SLC5A7: variants seen among roughly 807,000 people sequenced by gnomAD.
SLC5A7 encodes solute carrier family 5 member 7, also known as high affinity choline transporter 1.
SLC5A7 carries 19 observed loss-of-function variants against 55.4 expected under a neutral mutation model. The observed-to-expected ratio is 0.34, with a 90% confidence interval of 0.24 to 0.50. The LOEUF is 0.50. Among genes scored for constraint, SLC5A7 ranks in the 20% least tolerant of loss-of-function variants. The pLI, the probability that SLC5A7 is intolerant of heterozygous loss-of-function variation, is 0.98. For missense variants in SLC5A7, 506 were observed against 705.3 expected (o/e 0.72, Z 3.20); for synonymous variants, 265 against 263.7 (o/e 1.00, Z -0.05).
Position 108,010,340 on chromosome 2 carries a change from C to T in SLC5A7, c.1222C>T (p.Leu408Phe), listed in dbSNP as rs1678270840. ...GAAAACTGTGTATGGGCTCTGGTACCTCAGTTCTGACCTTGTTTACATCGT... is the reference window on the plus strand; with the variant it reads ...GAAAACTGTGTATGGGCTCTGGTACTTCAGTTCTGACCTTGTTTACATCGT... ...LTKTVYGLWY[L>F]SSDLVYIVIF... Residue 408 changes from leucine (L) to phenylalanine (F), a missense_variant, in exon 9 of 9, where the codon CTC becomes TTC. By Grantham distance (22) the Leu-to-Phe change is conservative. Around this residue, in one of 4 missense-constraint regions of SLC5A7, gnomAD observed 309 missense variants for 478.6 expected, o/e 0.65. Transcript: ENST00000264047. 1 of 1,613,816 alleles carries T rather than the reference C, an allele frequency of 6.2e-7. No individual in the cohort carries two copies.
At chr2:108,007,318 T>G (rs1260733686) in intron 7 of SLC5A7, among the ~76,000 whole-genome samples, 1 of 152,116 alleles carries the variant, frequency 6.6e-6, no homozygotes, top group Non-Finnish European at 1.5e-5. Flanking sequence ...AGAGCAGTCC[T>G]GGTTCATAGT....
In SLC5A7 at chr2:107,988,261, G is replaced by A. The variant is rs748131814; in HGVS notation, c.106G>A (p.Glu36Lys). ...GAGAACCAAAAACAGTGGCAGCGCAGAAGAGCGCAGCGAAGCCATCATAGT... is the reference window on the plus strand; with the variant it reads ...GAGAACCAAAAACAGTGGCAGCGCAAAAGAGCGCAGCGAAGCCATCATAGT... ...AWRTKNSGSA[E>K]ERSEAIIVGG... is the part of the protein sequence containing the mutation. Residue 36 changes from glutamate to lysine, a missense_variant, in exon 2 of 9, where the codon GAA becomes AAA. Coordinates refer to ENST00000264047, the MANE Select transcript of SLC5A7 (RefSeq NM_021815.5). 2 of 1,614,192 alleles carry A rather than the reference G, an allele frequency of 1.2e-6. No individual in the cohort carries two copies. The highest frequency in any genetic ancestry group is 1.7e-6 in the Non-Finnish European group (2 of 1,180,016).
intron 4 of SLC5A7, among the ~76,000 whole-genome samples, chr2:107,994,863 T>C (rs1436535998): frequency 1.3e-5 from 2 of 152,142 alleles, no homozygotes; most frequent in African/African-American, 4.8e-5. Flanking sequence ...TGTTCACTCA[T>C]TGAGTAAAGA....
intron 8 of SLC5A7, among the ~76,000 whole-genome samples, 198 bp downstream of exon 8, chr2:108,008,880 A>T (rs1678215386): frequency 6.6e-6 from 1 of 151,140 alleles, no homozygotes; most frequent in South Asian, 2.1e-4. Context: ...TATTCATGTC[A>T]ATACTAAAGG....
rs1678417944 is a variant in SLC5A7 at position 108,013,440 on chromosome 2, T to C, written c.*2579T>C. The stretch of plus-strand genomic sequence containing the variant: ...ACAATGGTCACAAGGTCTTTACTTA[T>C]GCACATTTGTGCATAAATTTCCACC... On this transcript the variant is annotated 3_prime_UTR_variant, in exon 9 of 9. Transcript: ENST00000264047. The C allele has an allele frequency of 6.6e-6, 1 of 152,058 alleles. No homozygotes were observed. The highest frequency in any genetic ancestry group is 1.5e-5 in the Non-Finnish European group (1 of 68,000). 9.4% of individuals were successfully genotyped at this position (152,058 alleles called of 1,614,324 possible). A position where few individuals can be genotyped will look rare whatever the true frequency, so the allele number is the denominator to read the frequency against.
rs1558867583 is a variant in SLC5A7 at position 108,002,870 on chromosome 2, TA to T, written c.741+837del. ...CCATCTCTATAAAAAAAAATCTTCT[TA>T]AAAAAAGAAATAGATTACTTTTTCT... On this transcript the variant is annotated intron_variant, in intron 6 of 8. Coordinates refer to ENST00000264047, the MANE Select transcript of SLC5A7 (RefSeq NM_021815.5). Among the ~76,000 whole-genome samples the T allele has an allele frequency of 2.6e-5, 4 of 152,210 alleles. No individual in the cohort carries two copies. The East Asian group carries it at 7.7e-4, about 29-fold the overall frequency.
At chr2:107,998,062 T>C (rs963850158) in intron 5 of SLC5A7, 76 bp downstream of exon 5, 113 of 1,363,176 alleles carry the variant, frequency 8.3e-5, no homozygotes, top group Non-Finnish European at 1.1e-4. Context: ...TCATTAAAAA[T>C]GAGTAGAAAT....
rs1407831608 is a variant in SLC5A7 at position 108,010,516 on chromosome 2, C to A, written c.1398C>A (p.Tyr466Ter). 1.2e-6 allele frequency: 2 copies of A among 1,613,902 alleles called. No homozygotes were observed. Among genetic ancestry groups the A allele is most frequent in the Admixed American group, 1.7e-5 (1 of 59,966 alleles). The change falls in exon 9 of 9, where the codon TAC (tyrosine) becomes TAA (stop). Residue 466 changes from tyrosine to a stop codon, truncating the protein, a stop_gained. Transcript: ENST00000264047. LOFTEE classifies it high-confidence loss of function. ...CCTTGATCTTCTACCCTGGCTATTA[C>A]CCTGATGATAATGGTATATATAATC... ...LQPLIFYPGY[Y>*]PDDNGIYNQK...
intron 8 of SLC5A7, among the ~76,000 whole-genome samples, chr2:108,009,310 C>G (rs1383380634): frequency 6.6e-6 from 1 of 152,064 alleles, no homozygotes; most frequent in Non-Finnish European, 1.5e-5. Context: ...ACCAAAGGAA[C>G]TCCTTGAACA....
intron 4 of SLC5A7, among the ~76,000 whole-genome samples, chr2:107,993,423 A>G (rs2104343702): frequency 6.6e-6 from 1 of 152,358 alleles, no homozygotes; most frequent in Middle Eastern, 3.4e-3. Flanking sequence ...TGAACAAAGA[A>G]TAATGAATTA....
chr2:107,995,347 A>G (rs184109544), intron 4 of SLC5A7, among the ~76,000 whole-genome samples: 1 of 152,140 alleles, frequency 6.6e-6, no homozygotes, highest in Non-Finnish European at 1.5e-5. Flanking sequence ...ATCCATGACT[A>G]CATATGTAAA....
Position 108,001,905 on chromosome 2 carries a change from C to G in SLC5A7, c.606C>G (p.Ser202Arg). The change falls in exon 6 of 9, where the codon AGC (serine) becomes AGG (arginine). Residue 202 changes from serine (S) to arginine (R), a missense_variant. By Grantham distance (110) the Ser-to-Arg change is moderately radical. Around this residue, in one of 4 missense-constraint regions of SLC5A7, gnomAD observed 309 missense variants for 478.6 expected, o/e 0.65. Transcript: ENST00000264047. ...LFCIFVGLWI[S>R]VPFALSHPAV... The stretch of plus-strand genomic sequence containing the variant: ...GTCACTTTCTGTTGCAGTGGATCAG[C>G]GTCCCCTTTGCATTGTCACATCCTG... 1 of 1,614,034 alleles carries G rather than the reference C, an allele frequency of 6.2e-7. No homozygotes were observed. Among genetic ancestry groups the G allele is most frequent in the African/African-American group, 1.3e-5 (1 of 75,024 alleles).
intron 2 of SLC5A7, among the ~76,000 whole-genome samples, chr2:107,989,552 A>T (rs1677370586): frequency 6.6e-6 from 1 of 152,216 alleles, no homozygotes; most frequent in Non-Finnish European, 1.5e-5. Flanking sequence ...TCTGGGGTTA[A>T]GTGGAGATCC....
At position 107,993,080 on chromosome 2, in the gene SLC5A7, C is replaced by T. The variant is rs974644154; in HGVS notation, c.401C>T (p.Ala134Val). 7.4e-6 allele frequency: 12 copies of T among 1,614,086 alleles called. No individual in the cohort carries two copies. The highest frequency in any genetic ancestry group is 1.3e-5 in the African/African-American group (1 of 74,938). ...KRMGGLLFIPALMGEMFWAAA... is the reference protein window; with the variant it reads ...KRMGGLLFIPVLMGEMFWAAA... ...ATGGGCGGACTCCTGTTTATTCCTGCACTGATGGGAGAAATGTTCTGGGCT... is the reference window on the plus strand; with the variant it reads ...ATGGGCGGACTCCTGTTTATTCCTGTACTGATGGGAGAAATGTTCTGGGCT... The change falls in exon 4 of 9, where the codon GCA (alanine) becomes GTA (valine). Residue 134 changes from alanine to valine, a missense_variant. This residue lies in a region of SLC5A7 where 309 missense variants were observed against 478.6 expected (regional missense o/e 0.65). Coordinates refer to ENST00000264047, the MANE Select transcript of SLC5A7 (RefSeq NM_021815.5).
At chr2:107,994,721 C>T (rs543141646) in intron 4 of SLC5A7, among the ~76,000 whole-genome samples, 24 of 152,302 alleles carry the variant, frequency 1.6e-4, no homozygotes, top group Non-Finnish European at 2.9e-4. Flanking sequence ...TTCCACCTGA[C>T]TCTCATTAGC....
intron 3 of SLC5A7, 28 bp downstream of exon 3, chr2:107,992,247 T>C: frequency 7.4e-7 from 1 of 1,344,188 alleles, no homozygotes; most frequent in Non-Finnish European, 1.1e-6. Flanking sequence ...TCTCAGTGAC[T>C]CACTCAGTAA....
chr2:107,995,470 A>AGAGAGAGTGT (rs1405177003), intron 4 of SLC5A7, among the ~76,000 whole-genome samples: 1 of 137,166 alleles, frequency 7.3e-6, no homozygotes, highest in African/African-American at 2.8e-5. Flanking sequence ...AGAGAGAGAG[A>AGAGAGAGTGT]GTGTGTGTGT....
intron 8 of SLC5A7, among the ~76,000 whole-genome samples, chr2:108,008,970 G>A (rs1019280126): frequency 6.6e-6 from 1 of 151,844 alleles, no homozygotes. Context: ...TGATGAAAGA[G>A]TAATGAAACC....
In SLC5A7 at chr2:108,010,898, C is replaced by T; in HGVS notation, c.*37C>T. On this transcript the variant is annotated 3_prime_UTR_variant, in exon 9 of 9. Coordinates refer to ENST00000264047, the MANE Select transcript of SLC5A7 (RefSeq NM_021815.5). ...TAAAATACTGCTTTTGCAAACAGAA[C>T]ACTGTAATAGGGTAGTTCTGGAGAG... 1 of 1,524,194 alleles carries T rather than the reference C, an allele frequency of 6.6e-7. No individual in the cohort carries two copies. Among genetic ancestry groups the T allele is most frequent in the South Asian group, 1.3e-5 (1 of 76,560 alleles). The allele number at this position is 1,524,194 out of a possible 1,614,324, so 94.4% of individuals were successfully genotyped here. A position where few individuals can be genotyped will look rare whatever the true frequency, so the allele number is the denominator to read the frequency against.
Sources: gnomAD v4.1 joint callset for allele counts (sites outside exome capture counted in the v4.1 genomes callset) on GRCh38, gnomAD v4.1.1 for gene constraint, gnomAD v4.1.1 regional missense constraint, MANE v1.5 for transcripts, NCBI Gene and HGNC (gene_info 2026-07-23, HGNC 2026-07-21) for gene names.